Variants in ANO7 observed in about 807,000 individuals in gnomAD.
ANO7 encodes anoctamin-7.
ANO7 carries 114 observed loss-of-function variants against 115.8 expected under a neutral mutation model. That is an observed-to-expected ratio of 0.98 (90% confidence interval 0.85 to 1.15). The LOEUF is 1.15. Among genes scored for constraint, ANO7 ranks in the 50% most tolerant of loss-of-function variants. The pLI, the probability that ANO7 is intolerant of heterozygous loss-of-function variation, is 0.00. For synonymous variants in ANO7, 550 were observed against 498.2 expected (o/e 1.10, Z -1.38); for missense variants, 1,302 against 1,201.2 (o/e 1.08, Z -1.24).
At chr2:241,207,350 T>C (rs1280960797) in intron 10 of ANO7, among the ~76,000 whole-genome samples, 1 of 152,266 alleles carries the variant, frequency 6.6e-6, no homozygotes, top group African/African-American at 2.4e-5. Flanking sequence ...TAAATGGGCT[T>C]GTGTTTTAGT....
downstream of ANO7, chr2:241,228,602 G>T (rs2069356819): frequency 6.6e-6 from 1 of 152,386 alleles, no homozygotes; most frequent in Admixed American, 6.5e-5. Context: ...AGCTCCACGG[G>T]AAACCCATAA....
At chr2:241,230,664 C>A, downstream of ANO7, 1 of 1,088,026 alleles carries the variant, frequency 9.2e-7, no homozygotes, top group South Asian at 1.5e-5. This position sits in a 1 kb window ranked among gnomAD's most constrained non-coding sequence, Gnocchi z 5.0. Context: ...GCCTCATCAT[C>A]TTGAGGGGAA....
Position 241,218,336 on chromosome 2 carries a change from C to T in ANO7, c.2276C>T (p.Ala759Val), listed in dbSNP as rs368115427. The change falls in exon 21 of 25, where the codon GCG (alanine) becomes GTG (valine). Residue 759 changes from alanine to valine, a missense_variant. Physicochemically the swap from Ala to Val is moderately conservative, Grantham distance 64. Coordinates refer to ENST00000674324, the MANE Select transcript of ANO7 (RefSeq NM_001370694.2). ...DLRGFLNFTL[A>V]RAPSSFAAAH... ...CGCGGCTTCCTCAACTTCACGCTGG[C>T]GCGAGCCCCGTCCTCCTTCGCCGCC... 170 of 1,497,556 alleles carry T rather than the reference C, an allele frequency of 1.1e-4. No individual in the cohort carries two copies. The highest frequency in any genetic ancestry group is 1.4e-4 in the Non-Finnish European group (153 of 1,129,308). 92.8% of individuals were successfully genotyped at this position (1,497,556 alleles called of 1,614,324 possible).
intron 19 of ANO7, among the ~76,000 whole-genome samples, chr2:241,216,726 G>A (rs1007254921): frequency 6.6e-6 from 1 of 152,260 alleles, no homozygotes; most frequent in Non-Finnish European, 1.5e-5. Flanking sequence ...CTGCACGGGT[G>A]GTGCACTCTG....
chr2:241,209,097 C>T (rs1008400151), intron 11 of ANO7, among the ~76,000 whole-genome samples, 188 bp from the exon 12 acceptor site: 12 of 152,282 alleles, frequency 7.9e-5, no homozygotes, highest in African/African-American at 1.7e-4. Context: ...TGCAGTGAGC[C>T]GAGATCGCGC....
the ANO7 span, among the ~76,000 whole-genome samples, chr2:241,231,668 G>A: frequency 1.3e-5 from 2 of 152,052 alleles, no homozygotes; most frequent in East Asian, 1.9e-4. Context: ...ATTCCTCAGC[G>A]AGCCCCTCCC....
At chr2:241,233,388 G>C in the ANO7 span, among the ~76,000 whole-genome samples, 4 of 152,142 alleles carry the variant, frequency 2.6e-5, no homozygotes, top group Non-Finnish European at 5.9e-5. The surrounding 1 kb of genome is among the most constrained non-coding windows in gnomAD (Gnocchi z 4.3). Context: ...AGTTTACTAA[G>C]GACCATCTGG....
downstream of ANO7, among the ~76,000 whole-genome samples, chr2:241,226,625 C>T (rs918139199): frequency 6.6e-6 from 1 of 152,084 alleles, no homozygotes; most frequent in Non-Finnish European, 1.5e-5. Context: ...GGGGTTTCAC[C>T]GTGTTAGCCA....
intron 15 of ANO7, 64 bp downstream of exon 15, chr2:241,210,634 C>G: frequency 7.2e-7 from 1 of 1,383,714 alleles, no homozygotes; most frequent in Non-Finnish European, 1.0e-6. Flanking sequence ...CCAGCCAGAA[C>G]GTGACTTTCT....
chr2:241,208,969 G>GA (rs1276719131), intron 11 of ANO7, among the ~76,000 whole-genome samples: 1 of 152,134 alleles, frequency 6.6e-6, no homozygotes, highest in Non-Finnish European at 1.5e-5. Flanking sequence ...CTAACACGGT[G>GA]AAACCTCGTC....
chr2:241,212,547 G>A, intron 16 of ANO7, 25 bp from the exon 17 acceptor site: 2 of 1,609,806 alleles, frequency 1.2e-6, no homozygotes, highest in Non-Finnish European at 1.7e-6. Context: ...TCCCATCAAG[G>A]CTCATGATCT....
intron 3 of ANO7, among the ~76,000 whole-genome samples, chr2:241,195,496 C>A (rs2068303942): frequency 6.6e-6 from 1 of 152,208 alleles, no homozygotes; most frequent in Admixed American, 6.5e-5. Context: ...CCACCCAGGC[C>A]AATGCAGGGC....
At chr2:241,213,558 G>C (rs1309913515) in intron 17 of ANO7, among the ~76,000 whole-genome samples, 1 of 152,194 alleles carries the variant, frequency 6.6e-6, no homozygotes, top group Non-Finnish European at 1.5e-5. Flanking sequence ...CTGTGCCACA[G>C]CCCCTCCAAG....
At chr2:241,190,307 A>G in intron 2 of ANO7, 136 bp downstream of exon 2, 1 of 702,082 alleles carries the variant, frequency 1.4e-6, no homozygotes, top group Non-Finnish European at 2.4e-6. Flanking sequence ...GGCAACCCCC[A>G]AGCCCTCGCC....
At chr2:241,213,041 C>T (rs2068750235) in intron 17 of ANO7, among the ~76,000 whole-genome samples, 1 of 152,260 alleles carries the variant, frequency 6.6e-6, no homozygotes, top group Admixed American at 6.5e-5. Context: ...ACTCTTTCCC[C>T]ATTTTAACCC....
chr2:241,213,913 C>G (rs1403962886), intron 17 of ANO7, among the ~76,000 whole-genome samples: 1 of 152,158 alleles, frequency 6.6e-6, no homozygotes, highest in Non-Finnish European at 1.5e-5. Flanking sequence ...AGTGTGGCTG[C>G]GGGTGCCACA....
intron 22 of ANO7, 34 bp from the exon 23 acceptor site, chr2:241,223,628 T>C (rs956331533): frequency 3.7e-6 from 6 of 1,605,226 alleles, no homozygotes; most frequent in Admixed American, 1.7e-5. Flanking sequence ...CTCTGGGCGT[T>C]TGGGTGGGCG....
intron 3 of ANO7, among the ~76,000 whole-genome samples, chr2:241,192,515 C>T (rs1354860502): frequency 6.6e-6 from 1 of 152,154 alleles, no homozygotes; most frequent in Admixed American, 6.6e-5. Context: ...CCTATAAGGA[C>T]ACGAGTTGTC....
intron 17 of ANO7, 144 bp from the exon 18 acceptor site, chr2:241,214,661 A>G (rs1336957598): frequency 6.0e-6 from 4 of 665,356 alleles, no homozygotes; most frequent in Non-Finnish European, 1.0e-5. Context: ...TTATGGTGGG[A>G]GCATCTCTGC....
Sources: allele counts gnomAD v4.1 joint callset (sites outside exome capture counted in the v4.1 genomes callset), GRCh38; gene constraint gnomAD v4.1.1; non-coding constraint Gnocchi (gnomAD v3.1); transcripts MANE v1.5; gene names NCBI Gene and HGNC (gene_info 2026-07-23, HGNC 2026-07-21).